The following FBN3 variants were observed in gnomAD, a reference collection of about 807,000 sequenced individuals.
FBN3 encodes fibrillin 3, also known as fibrillin-3.
A neutral mutation model predicts 330.1 loss-of-function variants in FBN3; 234 were observed. That is an observed-to-expected ratio of 0.71 (90% CI 0.64 to 0.79). FBN3 has a LOEUF of 0.79. Ranked by LOEUF, FBN3 falls within the 30% of genes least tolerant of loss-of-function variation. The probability of loss-of-function intolerance (pLI) is 0.00; values close to 1 mark genes in which losing one functional copy is unlikely to be tolerated. For missense variants in FBN3, 3,606 were observed against 3,886.9 expected, an observed-to-expected ratio of 0.93 and a Z score of 1.92; for synonymous variants, 1,458 against 1,517.3, an observed-to-expected ratio of 0.96 and a Z score of 0.91.
chr19:8,145,397 A>G (rs973924154), intron 5 of FBN3, among the ~76,000 whole-genome samples: 7 of 105,700 alleles, frequency 6.6e-5, no homozygotes, highest in African/African-American at 2.5e-4. Context: ...AAAAAAAAAA[A>G]GGGCCGGGCA....
At position 8,072,125 on chromosome 19, in the gene FBN3, C is replaced by T; in HGVS notation, c.8011G>A (p.Glu2671Lys). The change falls in exon 63 of 64, where the codon GAA (glutamate) becomes AAA (lysine). Residue 2671 changes from glutamate to lysine, a missense_variant. By Grantham distance (56) the Glu-to-Lys change is moderately conservative. Transcript: ENST00000600128. ...TTGATCTTGCATTCGTAGCAGGCTT[C>T]AGACGAGAGCAGCTCCTCTTTGTCC... The part of the protein sequence containing the change: ...TPDKEELLSS[E>K]ACYECKINGL... The T allele has an allele frequency of 1.9e-6, 3 of 1,609,758 alleles. No individual in the cohort carries two copies. The highest frequency in any genetic ancestry group is 1.7e-5 in the Admixed American group (1 of 59,486).
intron 8 of FBN3, among the ~76,000 whole-genome samples, chr19:8,141,194 C>CAAAAAA (rs56060033): frequency 1.8e-5 from 1 of 54,366 alleles, no homozygotes; most frequent in Non-Finnish European, 3.3e-5. Context: ...GACTCCGTCT[C>CAAAAAA]AAAAAAAAAA....
In FBN3 at chr19:8,072,195, G is replaced by A. The variant is rs938935881; in HGVS notation, c.7941C>T (p.His2647=). 39 of 1,542,300 alleles carry A rather than the reference G, an allele frequency of 2.5e-5. No homozygotes were observed. The highest frequency in any genetic ancestry group is 3.1e-5 in the Non-Finnish European group (36 of 1,146,856). ...PQGYFRAGQG[H]CVSGLGFSPG... is the part of the protein sequence containing the mutation. ...GGCTGAAGCCCAGGCCGGAGACACA[G>A]TGCCTGGGCCAGGATGGGCAGGGTG... The change falls in exon 63 of 64, where the codon CAC becomes CAT. Residue 2647 remains histidine (H), a synonymous_variant. Transcript: ENST00000600128.
At chr19:8,148,424 C>T (rs2083600962) in intron 1 of FBN3, among the ~76,000 whole-genome samples, 2 of 152,094 alleles carry the variant, frequency 1.3e-5, no homozygotes, top group Non-Finnish European at 2.9e-5. Flanking sequence ...GATGCACAAA[C>T]TAAGGCCATC....
At chr19:8,135,936 G>GACACCCCCCCC in intron 13 of FBN3, 25 bp downstream of exon 13, 1 of 668,778 alleles carries the variant, frequency 1.5e-6, no homozygotes, top group Non-Finnish European at 2.4e-6. Flanking sequence ...GGAAGCCCCT[G>GACACCCCCCCC]CCCACCCGCC....
rs2083075468 is a variant in FBN3, at chr19:8,129,472, A to G, written c.2045-107T>C. The G allele has an allele frequency of 2.8e-6, 4 of 1,454,516 alleles. No homozygotes were observed. The South Asian group carries it at 5.2e-5, about 19-fold the overall frequency. The allele number at this position is 1,454,516 out of a possible 1,614,324, so 90.1% of individuals were successfully genotyped here. A position where few individuals can be genotyped will look rare whatever the true frequency, so the allele number is the denominator to read the frequency against. ...GGGGTCTCTAGAAGTCAGATTCCCC[A>G]AGGCCATAGCTCCAGCCCAGACCCG... On this transcript the variant is annotated intron_variant, in intron 16 of 63. Transcript: ENST00000600128. The surrounding 1 kb of genome is among the most constrained non-coding windows in gnomAD (Gnocchi z 4.5).
chr19:8,093,960 G>C (rs374117680), intron 47 of FBN3, among the ~76,000 whole-genome samples: 12 of 152,214 alleles, frequency 7.9e-5, no homozygotes, highest in African/African-American at 2.9e-4. Context: ...GACTGGTCCA[G>C]GTTAGACCAC....
rs981668983 is a variant in FBN3, at chr19:8,109,448, T to C, written c.4457-60A>G. On this transcript the variant is annotated intron_variant, in intron 35 of 63. Coordinates refer to ENST00000600128, the MANE Select transcript of FBN3 (RefSeq NM_032447.5). This position sits in a 1 kb window ranked among gnomAD's most constrained non-coding sequence, Gnocchi z 5.2. ...AGAGGGAAAGCTGTATGTGTGCGTG[T>C]GCATGCATGTGTCTATTTCAACAGG... 2 of 1,576,902 alleles carry C rather than the reference T, an allele frequency of 1.3e-6. No individual in the cohort carries two copies. The highest frequency in any genetic ancestry group is 2.7e-5 in the African/African-American group (2 of 74,250).
Position 8,111,081 on chromosome 19 carries a change from G to C in FBN3, c.4187C>G (p.Thr1396Ser). The change falls in exon 33 of 64, where the codon ACC becomes AGC. Residue 1396 changes from threonine to serine, a missense_variant. By Grantham distance (58) the Thr-to-Ser change is moderately conservative. Coordinates refer to ENST00000600128, the MANE Select transcript of FBN3 (RefSeq NM_032447.5). The part of the protein sequence containing the change: ...RCECEMGFDP[T>S]EDHRACQDVD... ...ACCCTGGCAGGCCCGGTGGTCCTCGGTGGGGTCAAAGCCCATCTCACATTC... is the reference window on the plus strand; with the variant it reads ...ACCCTGGCAGGCCCGGTGGTCCTCGCTGGGGTCAAAGCCCATCTCACATTC... 6.2e-7 allele frequency: 1 copy of C among 1,613,492 alleles called. No individual in the cohort carries two copies. The highest frequency in any genetic ancestry group is 1.7e-4 in the Middle Eastern group (1 of 6,060).
At position 8,145,856 on chromosome 19, in the gene FBN3, G is replaced by C; in HGVS notation, c.432C>G (p.Thr144=). 2 of 1,550,842 alleles carry C rather than the reference G, an allele frequency of 1.3e-6. No individual in the cohort carries two copies. Among genetic ancestry groups the C allele is most frequent in the Non-Finnish European group, 1.7e-6 (2 of 1,146,728 alleles). Residue 144 remains threonine (T), a synonymous_variant, in exon 5 of 64, where the codon ACC becomes ACG. Coordinates refer to ENST00000600128, the MANE Select transcript of FBN3 (RefSeq NM_032447.5). ...GGGGATACTCACGCTGCCCACACAC[G>C]GTGCCTGTGTAGCCCTTCTGACACA... is the stretch of plus-strand genomic sequence containing the variant. ...SCLCQKGYTG[T]VCGQPICDRG... is the part of the protein sequence containing the mutation.
intron 48 of FBN3, 91 bp downstream of exon 48, chr19:8,091,374 C>A (rs2144697001): frequency 6.6e-7 from 1 of 1,514,046 alleles, no homozygotes; most frequent in East Asian, 2.3e-5. Context: ...CCCAAAGGGT[C>A]ACACAAGAAA....
chr19:8,120,163 TTC>T (rs1413041364), intron 25 of FBN3, among the ~76,000 whole-genome samples: 2 of 133,492 alleles, frequency 1.5e-5, no homozygotes, highest in African/African-American at 3.2e-5. Flanking sequence ...CTTTCTTTCT[TTC>T]TTTTTTTTTT....
At position 8,108,150 on chromosome 19, in the gene FBN3, A is replaced by G. The variant is rs1397219362; in HGVS notation, c.4687+20T>C. 6.2e-7 allele frequency: 1 copy of G among 1,606,450 alleles called. No homozygotes were observed. On this transcript the variant is annotated intron_variant, in intron 37 of 63. Coordinates refer to ENST00000600128, the MANE Select transcript of FBN3 (RefSeq NM_032447.5). The stretch of plus-strand genomic sequence containing the variant: ...AGTCTCTAGGCAGACAGATGGATGG[A>G]TGATCTGCCAGGAACTCACCTTCCA...
intron 14 of FBN3, among the ~76,000 whole-genome samples, chr19:8,132,283 A>G (rs961591834): frequency 1.6e-4 from 25 of 152,100 alleles, no homozygotes; most frequent in African/African-American, 6.0e-4. Flanking sequence ...CCTGAGCTCA[A>G]GTGATCCTTC....
In FBN3 at chr19:8,111,079, C is replaced by G. The variant is rs1164073157; in HGVS notation, c.4189G>C (p.Glu1397Gln). 1.2e-6 allele frequency: 2 copies of G among 1,613,238 alleles called. No individual in the cohort carries two copies. The highest frequency in any genetic ancestry group is 1.1e-5 in the South Asian group (1 of 91,004). ...CECEMGFDPT[E>Q]DHRACQDVDE... ...TTACCCTGGCAGGCCCGGTGGTCCT[C>G]GGTGGGGTCAAAGCCCATCTCACAT... The change falls in exon 33 of 64, where the codon GAG becomes CAG. Residue 1397 changes from glutamate (E) to glutamine (Q), a missense_variant. Coordinates refer to ENST00000600128, the MANE Select transcript of FBN3 (RefSeq NM_032447.5).
At chr19:8,093,673 G>T (rs1422541160) in intron 47 of FBN3, among the ~76,000 whole-genome samples, 1 of 152,174 alleles carries the variant, frequency 6.6e-6, no homozygotes, top group Non-Finnish European at 1.5e-5. Flanking sequence ...TGTAATCCCA[G>T]CTACTCAGGA....
intron 26 of FBN3, among the ~76,000 whole-genome samples, chr19:8,117,804 C>T (rs150870149): frequency 5.7e-4 from 87 of 152,216 alleles, no homozygotes; most frequent in African/African-American, 2.0e-3. Context: ...CCCACGTGCC[C>T]GCTCACACAG....
chr19:8,124,301 T>G (rs1200929421), intron 22 of FBN3, among the ~76,000 whole-genome samples: 1 of 151,980 alleles, frequency 6.6e-6, no homozygotes, highest in African/African-American at 2.4e-5. Flanking sequence ...TGGAGTGCAG[T>G]GGCACAATCT....
At chr19:8,088,243 T>A in intron 51 of FBN3, 64 bp from the exon 52 acceptor site, 1 of 1,523,892 alleles carries the variant, frequency 6.6e-7, no homozygotes, top group Non-Finnish European at 8.8e-7. Flanking sequence ...TAGCATCCCA[T>A]CTGCCTGCCT....
Sources: gnomAD v4.1 joint callset for allele counts (sites outside exome capture counted in the v4.1 genomes callset) on GRCh38, gnomAD v4.1.1 for gene constraint, Gnocchi (gnomAD v3.1) non-coding constraint, MANE v1.5 for transcripts, NCBI Gene and HGNC (gene_info 2026-07-23, HGNC 2026-07-21) for gene names.